The following USP32 variants were observed in gnomAD, a reference collection of about 807,000 sequenced individuals.
USP32 encodes the protein ubiquitin carboxyl-terminal hydrolase 32.
USP32 carries 59 observed loss-of-function variants against 204.8 expected under a neutral mutation model. That is an observed-to-expected ratio of 0.29 (90% CI 0.23 to 0.36). The LOEUF (loss-of-function observed/expected upper bound fraction) is 0.36. Ranked by LOEUF, USP32 falls within the 10% of genes least tolerant of loss-of-function variation. The pLI is 1.00. For missense variants in USP32, 1,160 were observed against 1,946.4 expected, an observed-to-expected ratio of 0.60 and a Z score of 7.60; for synonymous variants, 517 against 678.4, an observed-to-expected ratio of 0.76 and a Z score of 3.70.
chr17:60,308,089 C>A (rs747653141), intron 2 of USP32, among the ~76,000 whole-genome samples: 5 of 152,218 alleles, frequency 3.3e-5, no homozygotes, highest in Non-Finnish European at 5.9e-5. Flanking sequence ...CGTCCAGCTG[C>A]TGAGAGCTAC....
intron 27 of USP32, 141 bp from the exon 28 acceptor site, chr17:60,193,071 C>T (rs2084426805): frequency 1.2e-6 from 1 of 822,368 alleles, no homozygotes; most frequent in Non-Finnish European, 1.9e-6. Context: ...ATGTTACTTA[C>T]CCTAATCCAT....
At chr17:60,343,369 G>A (rs534639232) in intron 2 of USP32, among the ~76,000 whole-genome samples, 4 of 152,012 alleles carry the variant, frequency 2.6e-5, no homozygotes, top group East Asian at 3.9e-4. Flanking sequence ...GCACCACATC[G>A]CATTTATTCT....
intron 1 of USP32, among the ~76,000 whole-genome samples, chr17:60,349,664 C>CA (rs2088901393): frequency 2.2e-5 from 2 of 91,602 alleles, no homozygotes; most frequent in South Asian, 5.9e-4. Flanking sequence ...CATATATATA[C>CA]ACATATATAT....
chr17:60,362,713 C>T (rs1214662456), intron 1 of USP32, among the ~76,000 whole-genome samples: 1 of 152,034 alleles, frequency 6.6e-6, no homozygotes, highest in African/African-American at 2.4e-5. Flanking sequence ...CCAGCAGTTT[C>T]TCGAATCAAA....
At chr17:60,308,573 T>C (rs577052944) in intron 2 of USP32, among the ~76,000 whole-genome samples, 1 of 151,986 alleles carries the variant, frequency 6.6e-6, no homozygotes, top group African/African-American at 2.4e-5. Flanking sequence ...GAAAATACAA[T>C]GGGGGAAAGA....
chr17:60,380,815 A>C (rs1292661303), intron 1 of USP32, among the ~76,000 whole-genome samples: 3 of 152,118 alleles, frequency 2.0e-5, no homozygotes, highest in African/African-American at 7.2e-5. Flanking sequence ...ACCAAGGCTC[A>C]CCTTCAAAAC....
chr17:60,309,679 A>C (rs2087808979), intron 2 of USP32, among the ~76,000 whole-genome samples: 1 of 152,214 alleles, frequency 6.6e-6, no homozygotes, highest in African/African-American at 2.4e-5. Flanking sequence ...ACATGAAAAA[A>C]TGTTCAGCAT....
At chr17:60,247,678 T>TG (rs2086067895) in intron 11 of USP32, among the ~76,000 whole-genome samples, 1 of 134,958 alleles carries the variant, frequency 7.4e-6, no homozygotes, top group Non-Finnish European at 1.5e-5. Flanking sequence ...TTTGTTTTGG[T>TG]TTTTTTTTTG....
Position 60,342,364 on chromosome 17 carries a change from G to T in USP32, c.186+3117C>A, listed in dbSNP as rs140162592. On this transcript the variant is annotated intron_variant, in intron 2 of 33. Transcript: ENST00000300896. ...GGCCCCTACTCAGAAGTGTTTCCCAGTTAGGCTACACAGGGGTCAGGAACC... is the reference window on the plus strand; with the variant it reads ...GGCCCCTACTCAGAAGTGTTTCCCATTTAGGCTACACAGGGGTCAGGAACC... Among the ~76,000 whole-genome samples, 541 of 152,304 alleles carry T rather than the reference G, an allele frequency of 3.6e-3. 2 individuals carry two copies. The highest frequency in any genetic ancestry group is 0.012 in the African/African-American group (496 of 41,572).
At chr17:60,240,456 A>C (rs1293817008) in intron 11 of USP32, among the ~76,000 whole-genome samples, 1 of 151,578 alleles carries the variant, frequency 6.6e-6, no homozygotes, top group African/African-American at 2.4e-5. Context: ...AAGAAAAGAG[A>C]GAGGGAGGGA....
In USP32 at chr17:60,183,243, T is replaced by C; in HGVS notation, c.4045A>G (p.Ser1349Gly). ...AGCACGTCCTCTTCCCCAGCCGAAC[T>C]CTGCGCATCCACTTTCTTCACCTCC... ...AREVKKVDAQ[S>G]SAGEEDVLLS... The change falls in exon 31 of 34, where the codon AGT (serine) becomes GGT (glycine). Residue 1349 changes from serine (S) to glycine (G), a missense_variant. By Grantham distance (56) the Ser-to-Gly change is moderately conservative. This residue lies in a region of USP32 where 244 missense variants were observed against 342.3 expected (regional missense o/e 0.71). Transcript: ENST00000300896. 1.2e-6 allele frequency: 2 copies of C among 1,614,028 alleles called. No homozygotes were observed. Among genetic ancestry groups the C allele is most frequent in the Non-Finnish European group, 8.5e-7 (1 of 1,179,870 alleles).
At chr17:60,223,336 G>GCTAAAA in intron 14 of USP32, 75 bp downstream of exon 14, 1 of 1,332,028 alleles carries the variant, frequency 7.5e-7, no homozygotes, top group Non-Finnish European at 1.1e-6. Flanking sequence ...TTTGCTATGT[G>GCTAAAA]CTAAAACCTC....
At chr17:60,225,036 G>A (rs1265907512) in intron 13 of USP32, among the ~76,000 whole-genome samples, 1 of 152,146 alleles carries the variant, frequency 6.6e-6, no homozygotes, top group Non-Finnish European at 1.5e-5. Flanking sequence ...CTGATGTGGG[G>A]TGCATTTAAT....
chr17:60,309,607 A>C (rs2145914244), intron 2 of USP32, among the ~76,000 whole-genome samples: 1 of 152,358 alleles, frequency 6.6e-6, no homozygotes, highest in Middle Eastern at 3.4e-3. Context: ...TTCTAAAAAA[A>C]ATAAAGAAAT....
intron 11 of USP32, among the ~76,000 whole-genome samples, chr17:60,247,265 C>T (rs1184715319): frequency 6.6e-6 from 1 of 152,050 alleles, no homozygotes; most frequent in East Asian, 1.9e-4. Flanking sequence ...CTGCAACCTC[C>T]ACCTCCCGGT....
At chr17:60,299,426 G>A (rs1488470777) in intron 3 of USP32, among the ~76,000 whole-genome samples, 1 of 152,198 alleles carries the variant, frequency 6.6e-6, no homozygotes, top group Non-Finnish European at 1.5e-5. Flanking sequence ...GAAAGCAGAA[G>A]AGCAAGAGAA....
rs184028008 is a variant in USP32 at position 60,304,376 on chromosome 17, C to T, written c.187-2672G>A. 5.8e-3 allele frequency among the ~76,000 whole-genome samples: 845 copies of T among 145,058 alleles called. 3 individuals are homozygous for T. The highest frequency in any genetic ancestry group is 0.013 in the African/African-American group (523 of 39,442). On this transcript the variant is annotated intron_variant, in intron 2 of 33. Coordinates refer to ENST00000300896, the MANE Select transcript of USP32 (RefSeq NM_032582.4). Reference sequence around the variant, plus strand: ...TTTATTTTTTTATTTTTTTTTTTTACGGAAACAAAAACAGAGAAGTCATTA... The same window carrying T: ...TTTATTTTTTTATTTTTTTTTTTTATGGAAACAAAAACAGAGAAGTCATTA...
intron 5 of USP32, among the ~76,000 whole-genome samples, chr17:60,284,635 G>GTTTTC (rs201911130): frequency 0.022 from 3,276 of 152,236 alleles, 137 homozygotes; most frequent in African/African-American, 0.075. Flanking sequence ...AAAATTATTT[G>GTTTTC]ACTGATTAAA....
At chr17:60,199,864 G>A (rs2084628984) in intron 26 of USP32, among the ~76,000 whole-genome samples, 1 of 152,148 alleles carries the variant, frequency 6.6e-6, no homozygotes, top group African/African-American at 2.4e-5. Context: ...AGTTACTACT[G>A]AGATAAATTC....
Sources: gnomAD v4.1 joint callset for allele counts (sites outside exome capture counted in the v4.1 genomes callset) on GRCh38, gnomAD v4.1.1 for gene constraint, gnomAD v4.1.1 regional missense constraint, MANE v1.5 for transcripts, NCBI Gene and HGNC (gene_info 2026-07-23, HGNC 2026-07-21) for gene names.